Variants in RAD51B observed in about 807,000 individuals in gnomAD.
The protein encoded by RAD51B is DNA repair protein RAD51 homolog 2.
In RAD51B, 38 loss-of-function variants were observed where a neutral mutation model predicts 42.2. That is an observed-to-expected ratio of 0.90 (90% confidence interval 0.70 to 1.18). The LOEUF (loss-of-function observed/expected upper bound fraction) is 1.18, where lower values mean the gene tolerates loss of function less well. RAD51B is among the 50% of genes most tolerant of loss of function. The probability of loss-of-function intolerance (pLI) is 0.00; values close to 1 mark genes in which losing one functional copy is unlikely to be tolerated. For synonymous variants in RAD51B, 154 were observed against 145.2 expected (o/e 1.06, Z -0.43); for missense variants, 373 against 400.7 (o/e 0.93, Z 0.59).
intron 9 of RAD51B, among the ~76,000 whole-genome samples, chr14:68,426,002 TCC>T (rs1324986562): frequency 5.2e-5 from 7 of 135,552 alleles, no homozygotes; most frequent in African/African-American, 1.0e-4. Context: ...CTTCCTTCCT[TCC>T]TTCCTTTCTT....
At chr14:68,526,629 T>C (rs1326123060) in intron 10 of RAD51B, among the ~76,000 whole-genome samples, 13 of 152,192 alleles carry the variant, frequency 8.5e-5, no homozygotes, top group Non-Finnish European at 1.9e-4. Context: ...TATGCAAGTA[T>C]AGTGGGGAGA....
At chr14:68,251,290 G>T (rs2080626859) in intron 7 of RAD51B, among the ~76,000 whole-genome samples, 1 of 152,088 alleles carries the variant, frequency 6.6e-6, no homozygotes, top group Admixed American at 6.6e-5. Context: ...TTACCATTGT[G>T]CTCCTCCCTC....
chr14:68,068,134 C>G (rs2076685099), intron 7 of RAD51B, among the ~76,000 whole-genome samples: 1 of 151,816 alleles, frequency 6.6e-6, no homozygotes, highest in Non-Finnish European at 1.5e-5. Context: ...TTTTTAAAAC[C>G]AGCTTTTAAA....
intron 10 of RAD51B, among the ~76,000 whole-genome samples, chr14:68,617,993 A>G (rs555530810): frequency 1.3e-4 from 20 of 152,322 alleles, no homozygotes; most frequent in Middle Eastern, 3.4e-3. Context: ...TAAAGAAATG[A>G]TGAATGATAG....
At chr14:68,566,235 A>G (rs1889412826) in intron 10 of RAD51B, among the ~76,000 whole-genome samples, 1 of 152,202 alleles carries the variant, frequency 6.6e-6, no homozygotes, top group Non-Finnish European at 1.5e-5. Context: ...CAGAGTCTAC[A>G]AGTATTTGCT....
intron 10 of RAD51B, among the ~76,000 whole-genome samples, chr14:68,509,602 G>A (rs1202648140): frequency 1.3e-5 from 2 of 152,232 alleles, no homozygotes; most frequent in Admixed American, 6.5e-5. Context: ...GTATGGGGTG[G>A]GAATGGAGTA....
chr14:67,859,941 C>T (rs1424124157), intron 4 of RAD51B, among the ~76,000 whole-genome samples: 3 of 152,126 alleles, frequency 2.0e-5, no homozygotes, highest in African/African-American at 7.2e-5. Context: ...CTGTCTCAGC[C>T]TCCCGAGGAG....
At chr14:67,821,180 A>T (rs1265190798) in intron 1 of RAD51B, among the ~76,000 whole-genome samples, 1 of 152,222 alleles carries the variant, frequency 6.6e-6, no homozygotes, top group Admixed American at 6.5e-5. Flanking sequence ...TGTAATGCTT[A>T]CTGCATGGCT....
At chr14:68,567,575 A>G (rs1426785503) in intron 10 of RAD51B, among the ~76,000 whole-genome samples, 1 of 152,250 alleles carries the variant, frequency 6.6e-6, no homozygotes, top group Non-Finnish European at 1.5e-5. Context: ...TGGTAACACC[A>G]TGTATCCACC....
chr14:68,154,384 C>T (rs1275214174), intron 7 of RAD51B, among the ~76,000 whole-genome samples: 8 of 152,168 alleles, frequency 5.3e-5, no homozygotes, highest in East Asian at 1.9e-4. Context: ...CATTCTTATT[C>T]GTAAAAATAG....
chr14:67,925,638 C>G (rs986002329), intron 7 of RAD51B, among the ~76,000 whole-genome samples: 2 of 152,144 alleles, frequency 1.3e-5, no homozygotes, highest in African/African-American at 4.8e-5. Flanking sequence ...GCTCTGCTCC[C>G]CAGTAGGGAC....
chr14:68,386,346 C>T (rs1296162428), intron 8 of RAD51B, among the ~76,000 whole-genome samples: 2 of 152,168 alleles, frequency 1.3e-5, no homozygotes, highest in East Asian at 3.9e-4. Flanking sequence ...GGTTAAGTTT[C>T]CAACTCAAAT....
intron 8 of RAD51B, among the ~76,000 whole-genome samples, chr14:68,365,219 A>G (rs993479536): frequency 6.6e-6 from 1 of 152,230 alleles, no homozygotes; most frequent in Non-Finnish European, 1.5e-5. Context: ...GCATGTGCAG[A>G]AAGAAAAAGG....
chr14:68,674,053 C>T (rs1309312523), intron 11 of RAD51B, among the ~76,000 whole-genome samples: 2 of 152,076 alleles, frequency 1.3e-5, no homozygotes, highest in African/African-American at 4.8e-5. Flanking sequence ...TATACATCCA[C>T]ACACATATAC....
At chr14:68,375,809 A>G (rs2083357062) in intron 8 of RAD51B, among the ~76,000 whole-genome samples, 3 of 152,060 alleles carry the variant, frequency 2.0e-5, no homozygotes, top group Admixed American at 6.6e-5. Context: ...CTTATTCTGG[A>G]TATATTTGAT....
At chr14:68,668,045 A>G (rs1893069089) in intron 11 of RAD51B, among the ~76,000 whole-genome samples, 1 of 152,126 alleles carries the variant, frequency 6.6e-6, no homozygotes, top group Non-Finnish European at 1.5e-5. Flanking sequence ...GTGATTACCA[A>G]TCCTTGTGCT....
chr14:68,335,287 A>G (rs1387851777), intron 8 of RAD51B, among the ~76,000 whole-genome samples: 1 of 129,252 alleles, frequency 7.7e-6, no homozygotes, highest in African/African-American at 2.9e-5. Context: ...ACAGAGTGAG[A>G]CCCTGTGTCA....
downstream of RAD51B, among the ~76,000 whole-genome samples, chr14:68,611,822 G>A (rs967002762): frequency 1.3e-5 from 2 of 152,150 alleles, no homozygotes; most frequent in Non-Finnish European, 2.9e-5. Context: ...TCAGGTCCAC[G>A]TTTGCTTTCC....
intron 10 of RAD51B, among the ~76,000 whole-genome samples, chr14:68,623,898 T>G (rs1892010637): frequency 1.3e-5 from 2 of 152,242 alleles, no homozygotes; most frequent in African/African-American, 4.8e-5. Flanking sequence ...TCTGTTAAAC[T>G]GCTTTTAGGG....
Sources: gnomAD v4.1 joint callset for allele counts (sites outside exome capture counted in the v4.1 genomes callset) on GRCh38, gnomAD v4.1.1 for gene constraint, MANE v1.5 for transcripts, NCBI Gene and HGNC (gene_info 2026-07-23, HGNC 2026-07-21) for gene names.